Variants in GPHN observed in about 807,000 individuals in gnomAD.
GPHN encodes gephyrin.
Under a neutral mutation model 95.5 loss-of-function variants are expected in GPHN, and 17 were observed. That is an observed-to-expected ratio of 0.18 (90% CI 0.12 to 0.27). The LOEUF (loss-of-function observed/expected upper bound fraction) is 0.27. Ranked by LOEUF, GPHN falls within the 10% of genes least tolerant of loss-of-function variation. The probability of loss-of-function intolerance (pLI) is 1.00; values close to 1 mark genes in which losing one functional copy is unlikely to be tolerated. For missense variants in GPHN, 660 were observed against 978.1 expected (o/e 0.67, Z 4.34); for synonymous variants, 320 against 322.5 (o/e 0.99, Z 0.08).
the GPHN span, among the ~76,000 whole-genome samples, chr14:67,299,813 C>T: frequency 1.7e-4 from 26 of 152,208 alleles, no homozygotes; most frequent in African/African-American, 5.3e-4. Context: ...ATCTCTAATA[C>T]GGAAAATTAT....
chr14:67,395,656 G>A, the GPHN span: 3 of 1,317,982 alleles, frequency 2.3e-6, no homozygotes, highest in Admixed American at 3.7e-5. Flanking sequence ...AAAATGACGG[G>A]GCCCCGGGAG....
At chr14:67,091,777 C>A (rs2077156962) in intron 12 of GPHN, among the ~76,000 whole-genome samples, 3 of 150,630 alleles carry the variant, frequency 2.0e-5, no homozygotes, top group African/African-American at 7.3e-5. Flanking sequence ...TACAACTCAT[C>A]AAAAAATTTT....
chr14:67,023,577 T>C (rs2073771444), intron 9 of GPHN, 56 bp from the exon 10 acceptor site: 9 of 1,371,790 alleles, frequency 6.6e-6, no homozygotes, highest in Non-Finnish European at 9.4e-6. Context: ...TAAATATGCA[T>C]ATCTGCCTAT....
the GPHN span, chr14:67,600,252 C>T: frequency 3.2e-5 from 47 of 1,452,578 alleles, no homozygotes; most frequent in Non-Finnish European, 4.2e-5. Context: ...ACTGCGCTCG[C>T]CGGCCCTGGC....
chr14:67,298,196 G>C, the GPHN span, among the ~76,000 whole-genome samples: 2 of 152,100 alleles, frequency 1.3e-5, no homozygotes. Flanking sequence ...TCATATTTCT[G>C]TTTTAAAAAG....
chr14:67,698,311 A>G, the GPHN span, among the ~76,000 whole-genome samples: 1 of 152,218 alleles, frequency 6.6e-6, no homozygotes, highest in Non-Finnish European at 1.5e-5. Context: ...TATCTCTACT[A>G]AAAAATTAGC....
intron 9 of GPHN, among the ~76,000 whole-genome samples, chr14:66,991,735 G>A (rs530965183): frequency 6.6e-6 from 1 of 151,744 alleles, no homozygotes; most frequent in Non-Finnish European, 1.5e-5. Flanking sequence ...AGCCAGGCAT[G>A]GTGGCATATG....
chr14:67,626,523 CT>C, the GPHN span, among the ~76,000 whole-genome samples: 68 of 149,902 alleles, frequency 4.5e-4, no homozygotes, highest in Non-Finnish European at 8.5e-4. Flanking sequence ...TTCACACAAA[CT>C]TTTTTTTTTA....
Position 66,584,665 on chromosome 14 carries a change from G to A in GPHN, c.64+76074G>A, listed in dbSNP as rs145802819. On this transcript the variant is annotated intron_variant, in intron 1 of 22. Coordinates refer to ENST00000478722, the MANE Select transcript of GPHN (RefSeq NM_020806.5). ...GATGATCATGTGGTTTTCGTCTTTG[G>A]TTTTGTTTATATGCTGGATTACATT... 3.9e-5 allele frequency among the ~76,000 whole-genome samples: 6 copies of A among 152,130 alleles called. No homozygotes were observed. The East Asian group carries it at 9.7e-4, about 25-fold the overall frequency.
At chr14:66,587,849 G>A (rs2061486063) in intron 1 of GPHN, among the ~76,000 whole-genome samples, 7 of 152,206 alleles carry the variant, frequency 4.6e-5, no homozygotes, top group Admixed American at 4.6e-4. Context: ...CAGCTCTGAA[G>A]AGAGCAGCAG....
At chr14:67,340,170 T>C in the GPHN span, 1 of 367,208 alleles carries the variant, frequency 2.7e-6, no homozygotes, top group Non-Finnish European at 5.1e-6. Context: ...CATTTGACTA[T>C]CTTAAAACAT....
the GPHN span, among the ~76,000 whole-genome samples, chr14:67,463,753 A>G: frequency 6.6e-6 from 1 of 152,036 alleles, no homozygotes; most frequent in Non-Finnish European, 1.5e-5. Context: ...GGAGGCTAGA[A>G]TGTGCTCCCA....
chr14:67,720,585 C>T, the GPHN span, among the ~76,000 whole-genome samples: 1 of 152,154 alleles, frequency 6.6e-6, no homozygotes, highest in African/African-American at 2.4e-5. Context: ...CTGTCCCTTC[C>T]ACTGATTTGA....
At chr14:66,578,395 G>A (rs756944805) in intron 1 of GPHN, among the ~76,000 whole-genome samples, 32 of 151,782 alleles carry the variant, frequency 2.1e-4, no homozygotes, top group Non-Finnish European at 3.4e-4. Flanking sequence ...AGTAGTGAAT[G>A]TATTTAAAGA....
intron 1 of GPHN, among the ~76,000 whole-genome samples, chr14:66,583,627 A>G (rs1234696258): frequency 1.3e-5 from 2 of 152,128 alleles, no homozygotes; most frequent in Non-Finnish European, 2.9e-5. Context: ...TCCCAGCAGC[A>G]TTTATTAAAT....
intron 10 of GPHN, among the ~76,000 whole-genome samples, chr14:67,048,690 A>G (rs1019967583): frequency 2.6e-4 from 40 of 152,256 alleles, no homozygotes; most frequent in African/African-American, 9.6e-4. Flanking sequence ...TATTTTTACC[A>G]AACAAGCTAG....
intron 1 of GPHN, among the ~76,000 whole-genome samples, chr14:66,678,886 G>A (rs2066770785): frequency 6.6e-6 from 1 of 152,298 alleles, no homozygotes; most frequent in South Asian, 2.1e-4. Context: ...AGGTGAGGTT[G>A]TTCATGGAGT....
chr14:66,814,037 A>G (rs569588075), intron 3 of GPHN, among the ~76,000 whole-genome samples: 19 of 152,246 alleles, frequency 1.2e-4, no homozygotes, highest in African/African-American at 4.6e-4. Context: ...TTGCTGATGC[A>G]TGTCTACACA....
At chr14:67,475,459 C>T in the GPHN span, among the ~76,000 whole-genome samples, 4 of 152,306 alleles carry the variant, frequency 2.6e-5, no homozygotes, top group African/African-American at 9.6e-5. Flanking sequence ...TTCTGAGGAA[C>T]CACTGTGCTG....
Sources: allele counts gnomAD v4.1 joint callset (sites outside exome capture counted in the v4.1 genomes callset), GRCh38; gene constraint gnomAD v4.1.1; transcripts MANE v1.5; gene names NCBI Gene and HGNC (gene_info 2026-07-23, HGNC 2026-07-21).